Variants in ZNF85 observed in about 807,000 individuals in gnomAD.
ZNF85 encodes zinc finger protein 85, also known as zinc finger protein 85 (HPF4, HTF1).
Under a neutral mutation model 53.9 loss-of-function variants are expected in ZNF85, and 50 were observed. That is an observed-to-expected ratio of 0.93 (90% CI 0.74 to 1.17). The LOEUF is 1.17. ZNF85 is among the 50% of genes most tolerant of loss of function. The probability of loss-of-function intolerance (pLI) is 0.00; values close to 1 mark genes in which losing one functional copy is unlikely to be tolerated. For synonymous variants in ZNF85, 225 were observed against 226.1 expected, an observed-to-expected ratio of 1.00 and a Z score of 0.04; for missense variants, 747 against 688.5, an observed-to-expected ratio of 1.08 and a Z score of -0.95.
chr19:20,946,409 T>C, intron 3 of ZNF85: 1 of 365,170 alleles, frequency 2.7e-6, no homozygotes, highest in Non-Finnish European at 5.3e-6. Flanking sequence ...TTATATTGCC[T>C]TAAAGTTACC....
At chr19:20,948,637 G>T in intron 3 of ZNF85, 107 bp from the exon 4 acceptor site, 1 of 824,554 alleles carries the variant, frequency 1.2e-6, no homozygotes, top group Admixed American at 2.7e-5. Flanking sequence ...GTATTTTGCT[G>T]TGCCATCTTA....
chr19:20,925,804 T>G (rs921027213), intron 1 of ZNF85, among the ~76,000 whole-genome samples: 2 of 152,070 alleles, frequency 1.3e-5, no homozygotes, highest in Non-Finnish European at 2.9e-5. Flanking sequence ...GCACTGTCCC[T>G]CTGTGGGTTT....
At position 20,935,081 on chromosome 19, in the gene ZNF85, C is replaced by T. The variant is rs778453250; in HGVS notation, c.229+34C>T. On this transcript the variant is annotated intron_variant, in intron 3 of 3. Transcript: ENST00000328178. ...AAGTGAAAATGAATACAGCAGATGA[C>T]ACATGAGAGGTCCAAAGGCCAAAGA... 4.1e-6 allele frequency: 6 copies of T among 1,464,180 alleles called. No individual in the cohort carries two copies. In the African/African-American group the frequency reaches 7.0e-5, roughly 17 times the overall value. The allele number at this position is 1,464,180 out of a possible 1,614,324, so 90.7% of individuals were successfully genotyped here. A position where few individuals can be genotyped will look rare whatever the true frequency, so the allele number is the denominator to read the frequency against.
chr19:20,949,195 G>C lies in ZNF85; in HGVS notation c.681G>C (p.Glu227Asp). 1 of 1,613,366 alleles carries C rather than the reference G, an allele frequency of 6.2e-7. No homozygotes were observed. The highest frequency in any genetic ancestry group is 8.5e-7 in the Non-Finnish European group (1 of 1,179,732). ...AACATAAGAGAATTCATACGGGAGAGAAACCTTACAAATGTGAAGAATGTG... is the reference window on the plus strand; with the variant it reads ...AACATAAGAGAATTCATACGGGAGACAAACCTTACAAATGTGAAGAATGTG... Reference protein sequence around the residue: ...LTKHKRIHTGEKPYKCEECGK... With the variant: ...LTKHKRIHTGDKPYKCEECGK... The change falls in exon 4 of 4, where the codon GAG (glutamate) becomes GAC (aspartate). Residue 227 changes from glutamate (E) to aspartate (D), a missense_variant. Glu to Asp is a conservative substitution (Grantham distance 45). Coordinates refer to ENST00000328178, the MANE Select transcript of ZNF85 (RefSeq NM_003429.5).
In ZNF85 at chr19:20,937,308, A is replaced by G. The variant is rs149205150; in HGVS notation, c.229+2261A>G. On this transcript the variant is annotated intron_variant, in intron 3 of 3. Transcript: ENST00000328178. Reference sequence around the variant, plus strand: ...GCCTCCCAAAGTGCTTGGATTATAGACATGAGCCTCAGCGCCCAGCCCTCT... The same window carrying G: ...GCCTCCCAAAGTGCTTGGATTATAGGCATGAGCCTCAGCGCCCAGCCCTCT... 4,049 of 455,676 alleles carry G rather than the reference A, an allele frequency of 8.9e-3. 84 individuals carry two copies. The highest frequency in any genetic ancestry group is 0.034 in the African/African-American group (1,701 of 50,120). The allele number at this position is 455,676 out of a possible 1,614,324, so 28.2% of individuals were successfully genotyped here.
At chr19:20,947,892 A>G (rs566224395) in intron 3 of ZNF85, among the ~76,000 whole-genome samples, 120 of 152,054 alleles carry the variant, frequency 7.9e-4, no homozygotes, top group Admixed American at 2.2e-3. Flanking sequence ...ATATTATTCA[A>G]GTTTTTCAAA....
intron 1 of ZNF85, chr19:20,926,959 A>C (rs1476508297): frequency 1.3e-5 from 2 of 151,936 alleles, no homozygotes; most frequent in Admixed American, 1.3e-4. Context: ...CCTAGGGAGG[A>C]GCATAAAAGA....
At chr19:20,937,445 C>T in intron 3 of ZNF85, 2 of 438,080 alleles carry the variant, frequency 4.6e-6, no homozygotes, top group South Asian at 3.3e-5. Flanking sequence ...GATCAGAAGG[C>T]TGCTGGGTCT....
chr19:20,946,600 A>G (rs1973428551), intron 3 of ZNF85, among the ~76,000 whole-genome samples: 1 of 151,594 alleles, frequency 6.6e-6, no homozygotes, highest in Admixed American at 6.6e-5. Flanking sequence ...ACACCCCACA[A>G]ATGTATATAG....
At chr19:20,930,906 G>A (rs1973001805) in intron 1 of ZNF85, among the ~76,000 whole-genome samples, 1 of 152,130 alleles carries the variant, frequency 6.6e-6, no homozygotes, top group Admixed American at 6.6e-5. Context: ...CCTAGTAGCT[G>A]GGATTACAGA....
intron 3 of ZNF85, 35 bp from the exon 4 acceptor site, chr19:20,948,709 C>A: frequency 7.1e-7 from 1 of 1,418,354 alleles, no homozygotes; most frequent in Non-Finnish European, 9.5e-7. Context: ...CTAAGTCTAG[C>A]AAGTGGAGTA....
intron 3 of ZNF85, chr19:20,937,035 T>G: frequency 5.3e-6 from 1 of 187,754 alleles, no homozygotes. Flanking sequence ...TTTTTTGGGT[T>G]TTTGTTTTTT....
chr19:20,947,152 A>G (rs1973440663), intron 3 of ZNF85, among the ~76,000 whole-genome samples: 1 of 151,926 alleles, frequency 6.6e-6, no homozygotes, highest in African/African-American at 2.4e-5. Flanking sequence ...ATGCAACAGT[A>G]TATTTAATTA....
At chr19:20,931,278 C>G (rs1422587369) in intron 1 of ZNF85, among the ~76,000 whole-genome samples, 1 of 152,130 alleles carries the variant, frequency 6.6e-6, no homozygotes, top group Non-Finnish European at 1.5e-5. Context: ...CCAAAATTAC[C>G]AAGTGATTTA....
In ZNF85 at chr19:20,950,503, G is replaced by A. The variant is rs73021542; in HGVS notation, c.*201G>A. ...TAAATGGTTGTCACACTTTAGGTAA[G>A]ATAATTCATATTGGAACAAACTACA... On this transcript the variant is annotated 3_prime_UTR_variant, in exon 4 of 4. Coordinates refer to ENST00000328178, the MANE Select transcript of ZNF85 (RefSeq NM_003429.5). The A allele has an allele frequency of 0.11, 50,561 of 444,984 alleles. 3,129 individuals carry two copies. The highest frequency in any genetic ancestry group is 0.13 in the Non-Finnish European group (33,035 of 256,164). The allele number at this position is 444,984 out of a possible 1,614,324, so 27.6% of individuals were successfully genotyped here. A position where few individuals can be genotyped will look rare whatever the true frequency, so the allele number is the denominator to read the frequency against.
At chr19:20,947,187 A>G (rs1973441359) in intron 3 of ZNF85, among the ~76,000 whole-genome samples, 1 of 151,872 alleles carries the variant, frequency 6.6e-6, no homozygotes, top group Non-Finnish European at 1.5e-5. Context: ...CTTTAGTTGT[A>G]TACAAAAAAT....
Position 20,949,081 on chromosome 19 carries a change from A to C in ZNF85, c.567A>C (p.Leu189=), listed in dbSNP as rs562248451. Residue 189 remains leucine, a synonymous_variant, in exon 4 of 4, where the codon CTA becomes CTC. Transcript: ENST00000328178. The part of the protein sequence containing the change: ...CGKSFGMISC[L]TEHSRIHTRV... ...AATCATTTGGCATGATTTCATGCCT[A>C]ACTGAACATAGCAGAATTCATACTA... 6.2e-7 allele frequency: 1 copy of C among 1,613,846 alleles called. No homozygotes were observed. The highest frequency in any genetic ancestry group is 2.2e-5 in the East Asian group (1 of 44,858).
intron 3 of ZNF85, chr19:20,942,831 A>G (rs1439950556): frequency 2.9e-6 from 2 of 699,560 alleles, no homozygotes; most frequent in Non-Finnish European, 5.2e-6. Context: ...TCTGGAATGC[A>G]GTAGCAAGAT....
intron 1 of ZNF85, among the ~76,000 whole-genome samples, chr19:20,926,324 G>A (rs772729007): frequency 1.3e-5 from 2 of 152,038 alleles, no homozygotes; most frequent in Non-Finnish European, 2.9e-5. Context: ...TCCTAGAAGT[G>A]TTCCCATGAC....
Sources: allele counts gnomAD v4.1 joint callset (sites outside exome capture counted in the v4.1 genomes callset), GRCh38; gene constraint gnomAD v4.1.1; transcripts MANE v1.5; gene names NCBI Gene and HGNC (gene_info 2026-07-23, HGNC 2026-07-21).